Variants in ATXN1 observed in about 807,000 individuals in gnomAD.
The protein encoded by ATXN1 is ataxin-1.
Under a neutral mutation model 56.4 loss-of-function variants are expected in ATXN1, and 8 were observed. The observed-to-expected ratio is 0.14, with a 90% confidence interval of 0.08 to 0.26. The LOEUF (loss-of-function observed/expected upper bound fraction) is 0.26, where lower values mean the gene tolerates loss of function less well. Ranked by LOEUF, ATXN1 falls within the 10% of genes least tolerant of loss-of-function variation. The pLI, the probability that ATXN1 is intolerant of heterozygous loss-of-function variation, is 1.00. For missense variants in ATXN1, 987 were observed against 1,106.5 expected (o/e 0.89, Z 1.53); for synonymous variants, 514 against 494.6 (o/e 1.04, Z -0.52).
At chr6:16,373,579 T>C (rs141690849) in intron 6 of ATXN1, among the ~76,000 whole-genome samples, 35 of 152,260 alleles carry the variant, frequency 2.3e-4, no homozygotes, top group Non-Finnish European at 4.3e-4. Flanking sequence ...TTCCCACATA[T>C]TGTAGGAGGG....
intron 4 of ATXN1, among the ~76,000 whole-genome samples, chr6:16,585,351 TAA>T (rs1425291926): frequency 4.6e-5 from 7 of 152,172 alleles, no homozygotes; most frequent in African/African-American, 1.7e-4. Flanking sequence ...TACTAATCAT[TAA>T]TAACTATACG....
At chr6:16,744,442 C>T (rs1343344680) in intron 2 of ATXN1, among the ~76,000 whole-genome samples, 3 of 152,080 alleles carry the variant, frequency 2.0e-5, no homozygotes, top group South Asian at 2.1e-4. Flanking sequence ...GCCTGAGATT[C>T]CTGACTGATC....
At chr6:16,360,695 G>A (rs938954401) in intron 6 of ATXN1, among the ~76,000 whole-genome samples, 11 of 152,222 alleles carry the variant, frequency 7.2e-5, no homozygotes, top group African/African-American at 1.4e-4. Context: ...TCCTCTAATC[G>A]TAACATATTC....
chr6:16,723,087 T>C (rs1759778380), intron 2 of ATXN1, among the ~76,000 whole-genome samples: 1 of 152,208 alleles, frequency 6.6e-6, no homozygotes, highest in South Asian at 2.1e-4. Flanking sequence ...TCCATAAACA[T>C]TTATACAGAC....
intron 2 of ATXN1, among the ~76,000 whole-genome samples, chr6:16,679,806 C>A (rs1299688429): frequency 6.6e-6 from 1 of 152,154 alleles, no homozygotes. Flanking sequence ...TGGTGTTTTC[C>A]AGCAAGTATT....
intron 2 of ATXN1, among the ~76,000 whole-genome samples, chr6:16,690,463 C>A (rs1334491027): frequency 6.6e-6 from 1 of 151,936 alleles, no homozygotes; most frequent in African/African-American, 2.4e-5. Context: ...TCTTTTCCAG[C>A]AGTTCCTCAT....
intron 1 of ATXN1, among the ~76,000 whole-genome samples, chr6:16,759,421 G>A (rs1760988666): frequency 6.6e-6 from 1 of 151,286 alleles, no homozygotes; most frequent in Admixed American, 6.6e-5. Context: ...TTCGGGGACA[G>A]AACCAGTTTG....
At chr6:16,580,663 T>C (rs540804176) in intron 4 of ATXN1, among the ~76,000 whole-genome samples, 1 of 152,352 alleles carries the variant, frequency 6.6e-6, no homozygotes, top group South Asian at 2.1e-4. Flanking sequence ...TCATATTATT[T>C]ATAAAACTTT....
At chr6:16,371,357 T>A (rs1268904742) in intron 6 of ATXN1, among the ~76,000 whole-genome samples, 2 of 152,004 alleles carry the variant, frequency 1.3e-5, no homozygotes, top group Admixed American at 1.3e-4. Flanking sequence ...CAGACTGGAC[T>A]TTCTCCAAGC....
intron 2 of ATXN1, among the ~76,000 whole-genome samples, chr6:16,709,059 A>AAGGAAGG (rs1759471567): frequency 6.6e-6 from 1 of 151,836 alleles, no homozygotes; most frequent in Non-Finnish European, 1.5e-5. Context: ...GAAAAAGAGA[A>AAGGAAGG]AGGAAGGAGG....
intron 2 of ATXN1, among the ~76,000 whole-genome samples, chr6:16,689,777 C>T (rs2113415786): frequency 6.6e-6 from 1 of 152,134 alleles, no homozygotes; most frequent in South Asian, 2.1e-4. Flanking sequence ...AAAACGTATT[C>T]TTTTAGCAAT....
chr6:16,590,702 C>G (rs967156890), intron 3 of ATXN1, among the ~76,000 whole-genome samples: 3 of 151,680 alleles, frequency 2.0e-5, no homozygotes, highest in African/African-American at 7.3e-5. Flanking sequence ...CAAGTTCTCA[C>G]TCTGTTTCCC....
intron 6 of ATXN1, among the ~76,000 whole-genome samples, chr6:16,448,935 G>A (rs922734171): frequency 6.6e-6 from 1 of 152,214 alleles, no homozygotes; most frequent in Admixed American, 6.5e-5. Flanking sequence ...CTGTTGTTGT[G>A]AGGGTTAAAG....
At chr6:16,365,243 C>T (rs1761895111) in intron 6 of ATXN1, among the ~76,000 whole-genome samples, 1 of 152,100 alleles carries the variant, frequency 6.6e-6, no homozygotes, top group Admixed American at 6.5e-5. Context: ...GTGGTGCAAC[C>T]TTGGCTTACT....
At chr6:16,562,385 AAAG>A (rs1261049967) in intron 4 of ATXN1, among the ~76,000 whole-genome samples, 1 of 150,340 alleles carries the variant, frequency 6.7e-6, no homozygotes, top group Non-Finnish European at 1.5e-5. Context: ...AAAAAAAAAA[AAAG>A]AAGAAGAAGA....
intron 6 of ATXN1, among the ~76,000 whole-genome samples, chr6:16,445,464 A>G (rs1280826534): frequency 1.3e-5 from 2 of 151,972 alleles, no homozygotes; most frequent in African/African-American, 4.8e-5. Context: ...GTGGGGCAAA[A>G]GCGTTCATTT....
intron 3 of ATXN1, among the ~76,000 whole-genome samples, chr6:16,629,993 T>G (rs1763477574): frequency 2.0e-5 from 3 of 152,168 alleles, no homozygotes; most frequent in African/African-American, 7.2e-5. Context: ...AAAGGGCAAT[T>G]TTTTTTAACA....
At chr6:16,447,394 T>C (rs1404419150) in intron 6 of ATXN1, among the ~76,000 whole-genome samples, 3 of 152,142 alleles carry the variant, frequency 2.0e-5, no homozygotes, top group Non-Finnish European at 2.9e-5. Flanking sequence ...CAGCTAATTT[T>C]TGTATTTTTA....
intron 4 of ATXN1, among the ~76,000 whole-genome samples, chr6:16,568,978 T>G (rs1762281040): frequency 6.6e-6 from 1 of 152,172 alleles, no homozygotes; most frequent in Non-Finnish European, 1.5e-5. Context: ...CCCCGTAATT[T>G]AGTAATGGTA....
Sources: allele counts gnomAD v4.1 joint callset (sites outside exome capture counted in the v4.1 genomes callset), GRCh38; gene constraint gnomAD v4.1.1; transcripts MANE v1.5; gene names NCBI Gene and HGNC (gene_info 2026-07-23, HGNC 2026-07-21).